The following NRG3 variants were observed in gnomAD, a reference collection of about 807,000 sequenced individuals.
NRG3 encodes neuregulin 3, also known as pro-neuregulin-3, membrane-bound isoform.
NRG3 carries 31 observed loss-of-function variants against 66.9 expected under a neutral mutation model. The observed-to-expected ratio is 0.46, with a 90% CI of 0.35 to 0.63. NRG3 has a LOEUF of 0.63. NRG3 is among the 20% of genes least tolerant of loss of function. The pLI, the probability that NRG3 is intolerant of heterozygous loss-of-function variation, is 0.00. For missense variants in NRG3, 910 were observed against 878.9 expected, an observed-to-expected ratio of 1.04 and a Z score of -0.45; for synonymous variants, 393 against 359.4, an observed-to-expected ratio of 1.09 and a Z score of -1.06.
At chr10:82,476,803 G>A (rs769654486) in intron 2 of NRG3, among the ~76,000 whole-genome samples, 10 of 152,114 alleles carry the variant, frequency 6.6e-5, no homozygotes, top group Non-Finnish European at 1.5e-4. Context: ...ACACAACAAT[G>A]TACTTAATAC....
At chr10:82,848,128 A>C (rs569621608) in intron 3 of NRG3, among the ~76,000 whole-genome samples, 2 of 152,324 alleles carry the variant, frequency 1.3e-5, no homozygotes, top group Non-Finnish European at 2.9e-5. Flanking sequence ...TGAGTCACTA[A>C]AAAATATTTG....
At chr10:82,978,837 T>A in intron 7 of NRG3, 113 bp from the exon 8 acceptor site, 1 of 1,123,838 alleles carries the variant, frequency 8.9e-7, no homozygotes, top group Non-Finnish European at 1.3e-6. Flanking sequence ...CCTAGAACTT[T>A]GAGAATTTGG....
At chr10:82,071,380 G>A (rs563374302) in intron 1 of NRG3, among the ~76,000 whole-genome samples, 31 of 152,252 alleles carry the variant, frequency 2.0e-4, no homozygotes, top group African/African-American at 7.5e-4. Flanking sequence ...TTTAAATAGG[G>A]TGTTAGGGAA....
intron 2 of NRG3, among the ~76,000 whole-genome samples, chr10:82,389,701 A>C (rs567951538): frequency 6.6e-6 from 1 of 152,314 alleles, no homozygotes; most frequent in African/African-American, 2.4e-5. Context: ...TATCCAATAA[A>C]TAGCTTTATA....
At chr10:82,760,971 C>A (rs543506) in intron 3 of NRG3, among the ~76,000 whole-genome samples, 121,789 of 151,626 alleles carry the variant, frequency 0.8, 49,018 homozygotes, top group Admixed American at 0.85. Flanking sequence ...TCTCAGGAGA[C>A]TAGGTACTCT....
intron 4 of NRG3, among the ~76,000 whole-genome samples, chr10:82,905,628 C>G (rs1044222538): frequency 6.6e-6 from 1 of 152,130 alleles, no homozygotes; most frequent in Admixed American, 6.5e-5. Context: ...AATACACTGT[C>G]TTTCAGAATT....
At chr10:82,102,528 C>T (rs1347721428) in intron 1 of NRG3, among the ~76,000 whole-genome samples, 1 of 150,964 alleles carries the variant, frequency 6.6e-6, no homozygotes, top group African/African-American at 2.4e-5. Context: ...CATTTTTGTT[C>T]CAGTGTTCCC....
intron 1 of NRG3, among the ~76,000 whole-genome samples, chr10:82,109,068 C>G (rs2067225803): frequency 6.6e-6 from 1 of 152,192 alleles, no homozygotes; most frequent in Non-Finnish European, 1.5e-5. Flanking sequence ...AGTACAGAGC[C>G]TGGCACACAG....
intron 4 of NRG3, among the ~76,000 whole-genome samples, chr10:82,926,943 A>G (rs999613469): frequency 2.6e-5 from 4 of 152,148 alleles, no homozygotes; most frequent in African/African-American, 7.2e-5. Flanking sequence ...CATTCCCCCA[A>G]TTCTAACTGA....
At chr10:82,468,398 G>A (rs1311809864) in intron 2 of NRG3, among the ~76,000 whole-genome samples, 1 of 152,226 alleles carries the variant, frequency 6.6e-6, no homozygotes, top group Non-Finnish European at 1.5e-5. Flanking sequence ...TTCAGAGGGG[G>A]CACTGCTGAG....
intron 1 of NRG3, among the ~76,000 whole-genome samples, chr10:82,323,301 C>T (rs1050788807): frequency 5.3e-5 from 8 of 152,136 alleles, no homozygotes; most frequent in African/African-American, 1.7e-4. Flanking sequence ...ATCAAAACTG[C>T]TTCAGATCAG....
chr10:82,555,239 A>G (rs2044577196), intron 2 of NRG3, among the ~76,000 whole-genome samples: 1 of 152,154 alleles, frequency 6.6e-6, no homozygotes, highest in Admixed American at 6.6e-5. Flanking sequence ...TTTTGCAAAT[A>G]CAGATTACTC....
Position 82,349,062 on chromosome 10 carries a change from G to C in NRG3, c.824-9677G>C, listed in dbSNP as rs910746925. ...TTTGATCTTCTAAAGCCTTCTCTCAGCTCGTCAAAGTCATTCTCCATCCAG... is the reference window on the plus strand; with the variant it reads ...TTTGATCTTCTAAAGCCTTCTCTCACCTCGTCAAAGTCATTCTCCATCCAG... On this transcript the variant is annotated intron_variant, in intron 1 of 8. Transcript: ENST00000372141. 3.3e-5 allele frequency among the ~76,000 whole-genome samples: 5 copies of C among 152,150 alleles called. No homozygotes were observed. The South Asian group carries it at 1.0e-3, about 32-fold the overall frequency.
At chr10:82,598,762 A>C (rs2047436277) in intron 2 of NRG3, among the ~76,000 whole-genome samples, 2 of 152,170 alleles carry the variant, frequency 1.3e-5, no homozygotes, top group Admixed American at 1.3e-4. Flanking sequence ...GAAAATGATG[A>C]GAAGAGGCCG....
intron 3 of NRG3, among the ~76,000 whole-genome samples, chr10:82,742,175 G>A (rs1336273608): frequency 6.6e-6 from 1 of 152,044 alleles, no homozygotes; most frequent in Non-Finnish European, 1.5e-5. Flanking sequence ...TTAGCAGGGG[G>A]TGAGAAACCG....
At chr10:82,462,127 A>G (rs973536073) in intron 2 of NRG3, among the ~76,000 whole-genome samples, 1 of 152,048 alleles carries the variant, frequency 6.6e-6, no homozygotes, top group Non-Finnish European at 1.5e-5. Context: ...GTGAAACTCC[A>G]TCTCAAAATA....
intron 1 of NRG3, among the ~76,000 whole-genome samples, chr10:82,281,205 G>A (rs2079104614): frequency 6.6e-6 from 1 of 152,136 alleles, no homozygotes; most frequent in Admixed American, 6.6e-5. Context: ...CCGTAGTGTA[G>A]GTTCCTGAGC....
At chr10:82,549,345 T>G (rs1331444910) in intron 2 of NRG3, among the ~76,000 whole-genome samples, 1 of 152,154 alleles carries the variant, frequency 6.6e-6, no homozygotes, top group African/African-American at 2.4e-5. Context: ...AAATTCTTGT[T>G]GCCCATACTT....
intron 1 of NRG3, among the ~76,000 whole-genome samples, chr10:82,277,153 A>G (rs1018523938): frequency 6.7e-6 from 1 of 148,590 alleles, no homozygotes; most frequent in Non-Finnish European, 1.5e-5. Context: ...CATTGCAATA[A>G]TATTTATTAT....
Sources: gnomAD v4.1 joint callset for allele counts (sites outside exome capture counted in the v4.1 genomes callset) on GRCh38, gnomAD v4.1.1 for gene constraint, MANE v1.5 for transcripts, NCBI Gene and HGNC (gene_info 2026-07-23, HGNC 2026-07-21) for gene names.